The following BCAS1 variants were observed in gnomAD, a reference collection of about 807,000 sequenced individuals.
BCAS1 encodes the protein breast carcinoma-amplified sequence 1.
A neutral mutation model predicts 65.4 loss-of-function variants in BCAS1; 46 were observed. That is an observed-to-expected ratio of 0.70 (90% CI 0.55 to 0.90). The LOEUF is 0.90. Ranked by LOEUF, BCAS1 falls within the 40% of genes least tolerant of loss-of-function variation. The probability of loss-of-function intolerance (pLI) is 0.00; values close to 1 mark genes in which losing one functional copy is unlikely to be tolerated. For synonymous variants in BCAS1, 298 were observed against 293.5 expected, an observed-to-expected ratio of 1.02 and a Z score of -0.16; for missense variants, 793 against 771.2, an observed-to-expected ratio of 1.03 and a Z score of -0.33.
At chr20:53,963,008 G>GAA (rs1568816691) in intron 10 of BCAS1, among the ~76,000 whole-genome samples, 30 of 151,920 alleles carry the variant, frequency 2.0e-4, no homozygotes, top group African/African-American at 7.2e-4. Context: ...CCGCCACCAT[G>GAA]CCCGGCTAGT....
At chr20:53,955,066 T>C (rs1209746289) in intron 11 of BCAS1, among the ~76,000 whole-genome samples, 4 of 152,338 alleles carry the variant, frequency 2.6e-5, no homozygotes, top group Admixed American at 2.6e-4. Context: ...TTCATGAAGT[T>C]ATGTACTGTA....
intron 3 of BCAS1, among the ~76,000 whole-genome samples, chr20:54,055,716 CATT>C (rs1421282705): frequency 8.9e-4 from 136 of 152,218 alleles, no homozygotes; most frequent in African/African-American, 3.2e-3. Flanking sequence ...TTCATTGCAG[CATT>C]ATTCACAATA....
At chr20:54,066,263 G>A (rs551051184) in intron 1 of BCAS1, among the ~76,000 whole-genome samples, 3 of 152,214 alleles carry the variant, frequency 2.0e-5, no homozygotes, top group South Asian at 4.1e-4. Flanking sequence ...TGGTAGAGAC[G>A]GGGTTTCCCC....
intron 4 of BCAS1, among the ~76,000 whole-genome samples, chr20:54,022,950 G>A (rs766634894): frequency 4.5e-4 from 68 of 152,106 alleles, no homozygotes; most frequent in Non-Finnish European, 8.2e-4. Context: ...GTATAGCTGA[G>A]GACCTTGTTT....
chr20:54,058,216 G>C, intron 2 of BCAS1, 62 bp from the exon 3 acceptor site: 1 of 1,438,676 alleles, frequency 7.0e-7, no homozygotes, highest in Non-Finnish European at 9.8e-7. Context: ...AGAACTCAAG[G>C]AAGAACCTCT....
chr20:54,054,813 C>T (rs947400356), intron 3 of BCAS1, among the ~76,000 whole-genome samples: 13 of 152,132 alleles, frequency 8.5e-5, no homozygotes, highest in African/African-American at 2.7e-4. Flanking sequence ...TGTTGTCCTA[C>T]GTTTCAAGAG....
chr20:54,046,258 G>A (rs575725660), intron 3 of BCAS1, among the ~76,000 whole-genome samples: 136 of 152,056 alleles, frequency 8.9e-4, no homozygotes, highest in Admixed American at 2.1e-3. Context: ...GGCCGGGTGC[G>A]GTGGCTCATG....
chr20:54,041,907 C>A lies in BCAS1; in HGVS notation c.143-12935G>T, dbSNP rs866784573. ...GAGTTCAGAGTGAGACTCTGTCTCC[C>A]CCAAAAAAAAAAAAAAAAAAAAAAG... On this transcript the variant is annotated intron_variant, in intron 3 of 12. Transcript: ENST00000688948. 7.5e-3 allele frequency among the ~76,000 whole-genome samples: 356 copies of A among 47,478 alleles called. 40 individuals are homozygous for A. The highest frequency in any genetic ancestry group is 0.018 in the African/African-American group (295 of 16,106). The allele number at this position is 47,478 out of a possible 152,430, so 31.1% of individuals were successfully genotyped here.
At chr20:53,986,533 C>A (rs1322015345) in intron 7 of BCAS1, among the ~76,000 whole-genome samples, 1 of 151,934 alleles carries the variant, frequency 6.6e-6, no homozygotes, top group East Asian at 1.9e-4. Context: ...GACTCAATCC[C>A]TTTAAATTCC....
intron 7 of BCAS1, among the ~76,000 whole-genome samples, chr20:53,988,178 G>T (rs562282530): frequency 2.0e-5 from 3 of 152,228 alleles, no homozygotes; most frequent in Admixed American, 6.5e-5. Flanking sequence ...TTATTTTTCT[G>T]GCTCAAGGGT....
intron 10 of BCAS1, among the ~76,000 whole-genome samples, chr20:53,961,445 C>T (rs2089874838): frequency 6.6e-6 from 1 of 152,194 alleles, no homozygotes. Context: ...TACCACAATG[C>T]TCACTTGAAA....
intron 12 of BCAS1, among the ~76,000 whole-genome samples, chr20:53,947,354 G>A (rs1426018908): frequency 6.6e-6 from 1 of 152,182 alleles, no homozygotes; most frequent in Non-Finnish European, 1.5e-5. Flanking sequence ...CATATATTGA[G>A]GACCTACTGC....
chr20:54,024,073 T>C (rs2091618855), intron 4 of BCAS1, among the ~76,000 whole-genome samples: 1 of 152,164 alleles, frequency 6.6e-6, no homozygotes. Context: ...GTGAACAATG[T>C]GAGAATGTGC....
intron 6 of BCAS1, among the ~76,000 whole-genome samples, chr20:53,993,980 G>T (rs2090833858): frequency 6.6e-6 from 1 of 152,138 alleles, no homozygotes; most frequent in Non-Finnish European, 1.5e-5. Flanking sequence ...CAACCTTGGG[G>T]TCCAGGACAA....
intron 7 of BCAS1, among the ~76,000 whole-genome samples, chr20:53,989,789 G>A (rs897394721): frequency 2.0e-5 from 3 of 152,152 alleles, no homozygotes; most frequent in African/African-American, 4.8e-5. Context: ...GAATAGGGTT[G>A]CCAGATTTAG....
chr20:54,064,049 C>T lies in BCAS1; in HGVS notation c.-5-5326G>A, dbSNP rs528028272. On this transcript the variant is annotated intron_variant, in intron 1 of 12. Transcript: ENST00000688948. ...TGTTTGAGGGTTTGGCACTTTGCCACTGGGGGTTGATTGTGGAGGTTCAGA... is the reference window on the plus strand; with the variant it reads ...TGTTTGAGGGTTTGGCACTTTGCCATTGGGGGTTGATTGTGGAGGTTCAGA... Among the ~76,000 whole-genome samples, 6 of 152,284 alleles carry T rather than the reference C, an allele frequency of 3.9e-5. No homozygotes were observed. The East Asian group carries it at 1.2e-3, about 29-fold the overall frequency.
At chr20:54,013,394 A>G (rs897851896) in intron 4 of BCAS1, among the ~76,000 whole-genome samples, 1 of 152,234 alleles carries the variant, frequency 6.6e-6, no homozygotes, top group Non-Finnish European at 1.5e-5. Context: ...GAAGTCATGA[A>G]AAGGAAGATT....
intron 9 of BCAS1, among the ~76,000 whole-genome samples, chr20:53,974,079 G>A (rs1193729795): frequency 6.6e-6 from 1 of 151,882 alleles, no homozygotes; most frequent in Non-Finnish European, 1.5e-5. Context: ...ACCAATCAGT[G>A]CTCTGTGTCT....
At position 54,035,543 on chromosome 20, in the gene BCAS1, A is replaced by C. The variant is rs190030581; in HGVS notation, c.143-6571T>G. On this transcript the variant is annotated intron_variant, in intron 3 of 12. Transcript: ENST00000688948. ...ATACCAGTCAGAATGATATTATTAAAAAGTCAAAAAATAAGATGCTGGTGA... is the reference window on the plus strand; with the variant it reads ...ATACCAGTCAGAATGATATTATTAACAAGTCAAAAAATAAGATGCTGGTGA... 1.1e-3 allele frequency among the ~76,000 whole-genome samples: 163 copies of C among 151,354 alleles called. 8 individuals carry two copies. In the Middle Eastern group the frequency reaches 0.014, roughly 13 times the overall value.
Sources: gnomAD v4.1 joint callset for allele counts (sites outside exome capture counted in the v4.1 genomes callset) on GRCh38, gnomAD v4.1.1 for gene constraint, MANE v1.5 for transcripts, NCBI Gene and HGNC (gene_info 2026-07-23, HGNC 2026-07-21) for gene names.